Variants in DLG1 observed in about 807,000 individuals in gnomAD.
DLG1 encodes discs large MAGUK scaffold protein 1, also known as disks large homolog 1.
A neutral mutation model predicts 123.4 loss-of-function variants in DLG1; 42 were observed. That is an observed-to-expected ratio of 0.34 (90% CI 0.27 to 0.44). DLG1 has a LOEUF of 0.44. DLG1 is among the 20% of genes least tolerant of loss of function. The pLI, the probability that DLG1 is intolerant of heterozygous loss-of-function variation, is 1.00. For missense variants in DLG1, 942 were observed against 1,082.6 expected, an observed-to-expected ratio of 0.87 and a Z score of 1.82; for synonymous variants, 317 against 356.2, an observed-to-expected ratio of 0.89 and a Z score of 1.24.
At position 197,249,151 on chromosome 3, in the gene DLG1, A is replaced by G. The variant is rs114951814; in HGVS notation, c.318+33528T>C. ...AAATACAGATGATCAACAAAACAAA[A>G]TCAACTACCTTTTAGCTAGGCTAAA... On this transcript the variant is annotated intron_variant, in intron 4 of 24. Coordinates refer to ENST00000667157, the MANE Select transcript of DLG1 (RefSeq NM_001366207.1). Among the ~76,000 whole-genome samples, 681 of 152,262 alleles carry G rather than the reference A, an allele frequency of 4.5e-3. 5 individuals are homozygous for G. Among genetic ancestry groups the G allele is most frequent in the African/African-American group, 0.016 (659 of 41,574 alleles).
chr3:197,072,485 T>A (rs1052124668), intron 18 of DLG1, among the ~76,000 whole-genome samples: 5 of 152,144 alleles, frequency 3.3e-5, no homozygotes, highest in Admixed American at 6.5e-5. Flanking sequence ...ACATTTTGCT[T>A]ATCACTACTA....
chr3:197,122,333 A>G (rs997956406), intron 11 of DLG1, among the ~76,000 whole-genome samples: 4 of 152,156 alleles, frequency 2.6e-5, no homozygotes, highest in African/African-American at 9.6e-5. Context: ...GGGTATCTAC[A>G]GAAGACCTGC....
intron 4 of DLG1, among the ~76,000 whole-genome samples, chr3:197,229,261 A>C (rs1025956486): frequency 1.3e-5 from 2 of 152,012 alleles, no homozygotes; most frequent in Admixed American, 6.6e-5. Flanking sequence ...AGGAGGTCAA[A>C]GTGGGAGGAT....
At chr3:197,264,573 C>G (rs765707222) in intron 4 of DLG1, among the ~76,000 whole-genome samples, 1 of 152,040 alleles carries the variant, frequency 6.6e-6, no homozygotes, top group Non-Finnish European at 1.5e-5. Flanking sequence ...ATTACAGATG[C>G]CTGCCACCAC....
At chr3:197,296,977 TA>T (rs1777734703) in intron 2 of DLG1, 1 of 607,888 alleles carries the variant, frequency 1.6e-6, no homozygotes, top group Non-Finnish European at 2.9e-6. Flanking sequence ...CTGCCTCTCT[TA>T]ATCACTAGAG....
In DLG1 at chr3:197,059,967, T is replaced by C. The variant is rs1734622348; in HGVS notation, c.2405A>G (p.Asn802Ser). ...TGCAATCTGTAATCTCTTTATGGCA[T>C]TTCCAGACACATCAAGGATACAGTG... is the stretch of plus-strand genomic sequence containing the variant. ...GKHCILDVSG[N>S]AIKRLQIAQL... is the part of the protein sequence containing the mutation. Residue 802 changes from asparagine to serine, a missense_variant, in exon 23 of 25, where the codon AAT becomes AGT. By Grantham distance (46) the Asn-to-Ser change is conservative. Coordinates refer to ENST00000667157, the MANE Select transcript of DLG1 (RefSeq NM_001366207.1). 3.7e-6 allele frequency: 6 copies of C among 1,613,700 alleles called. No homozygotes were observed. Among genetic ancestry groups the C allele is most frequent in the African/African-American group, 1.3e-5 (1 of 74,888 alleles).
intron 4 of DLG1, among the ~76,000 whole-genome samples, chr3:197,194,908 C>T (rs1162339745): frequency 2.0e-5 from 3 of 151,960 alleles, no homozygotes; most frequent in East Asian, 3.9e-4. Flanking sequence ...ATGGAAAAGC[C>T]AAAGTTAGGC....
chr3:197,270,629 A>G (rs1400857335), intron 4 of DLG1, among the ~76,000 whole-genome samples: 1 of 149,634 alleles, frequency 6.7e-6, no homozygotes, highest in African/African-American at 2.6e-5. Context: ...CAATGGGGGG[A>G]AACTGACTCA....
chr3:197,072,691 A>C (rs1228559751), intron 18 of DLG1, among the ~76,000 whole-genome samples: 5 of 151,316 alleles, frequency 3.3e-5, no homozygotes, highest in Non-Finnish European at 5.9e-5. Flanking sequence ...AAAAAAAAAA[A>C]AAACAAAAAA....
chr3:197,075,719 TA>T, intron 18 of DLG1: 1 of 746,410 alleles, frequency 1.3e-6, no homozygotes, highest in Non-Finnish European at 2.1e-6. Flanking sequence ...AAAAGCAATC[TA>T]AATCATACAC....
intron 1 of DLG1, chr3:197,298,035 C>T: frequency 6.2e-6 from 4 of 642,346 alleles, no homozygotes; most frequent in Non-Finnish European, 5.8e-6. Context: ...GGCCCGCTCG[C>T]CCAGTTGCTG....
At chr3:197,093,949 T>A (rs1759222688) in intron 14 of DLG1, among the ~76,000 whole-genome samples, 1 of 152,210 alleles carries the variant, frequency 6.6e-6, no homozygotes, top group African/African-American at 2.4e-5. Context: ...TAATCCCGTA[T>A]GACTTTCAAG....
intron 4 of DLG1, chr3:197,260,263 G>A (rs1209444186): frequency 9.2e-6 from 4 of 435,872 alleles, no homozygotes; most frequent in Admixed American, 2.5e-5. Flanking sequence ...TCTTACCTTT[G>A]TGGTTACAAT....
chr3:197,204,037 G>C (rs763115737), intron 4 of DLG1, among the ~76,000 whole-genome samples: 18 of 152,166 alleles, frequency 1.2e-4, no homozygotes, highest in South Asian at 2.1e-4. Flanking sequence ...AGAGTACAAA[G>C]AACACCTTGC....
chr3:197,267,345 T>C (rs1026470540), intron 4 of DLG1, among the ~76,000 whole-genome samples: 12 of 152,206 alleles, frequency 7.9e-5, no homozygotes, highest in Non-Finnish European at 1.6e-4. Flanking sequence ...GTTTTGCCCT[T>C]GGATCCTTTT....
intron 14 of DLG1, among the ~76,000 whole-genome samples, chr3:197,099,370 G>A (rs914936021): frequency 1.3e-5 from 2 of 152,068 alleles, no homozygotes; most frequent in East Asian, 1.9e-4. Flanking sequence ...TTATTTTGAC[G>A]GAAGAGTTTC....
At chr3:197,056,494 T>C (rs187047420) in intron 23 of DLG1, among the ~76,000 whole-genome samples, 2 of 152,334 alleles carry the variant, frequency 1.3e-5, no homozygotes, top group African/African-American at 4.8e-5. Flanking sequence ...GTTGAAAAGT[T>C]TGTATAAAAT....
At chr3:197,273,858 A>AAAAAAAC (rs1275965459) in intron 4 of DLG1, among the ~76,000 whole-genome samples, 5 of 150,196 alleles carry the variant, frequency 3.3e-5, no homozygotes, top group East Asian at 1.9e-4. Flanking sequence ...CCAAAAAAAA[A>AAAAAAAC]AAAAAAACCA....
At chr3:197,264,101 T>C (rs1303598235) in intron 4 of DLG1, among the ~76,000 whole-genome samples, 1 of 151,934 alleles carries the variant, frequency 6.6e-6, no homozygotes, top group Non-Finnish European at 1.5e-5. Flanking sequence ...GTATGTCTAA[T>C]ATATTATTCC....
Sources: gnomAD v4.1 joint callset for allele counts (sites outside exome capture counted in the v4.1 genomes callset) on GRCh38, gnomAD v4.1.1 for gene constraint, MANE v1.5 for transcripts, NCBI Gene and HGNC (gene_info 2026-07-23, HGNC 2026-07-21) for gene names.